Variants in CTNNA2 observed in about 807,000 individuals in gnomAD.
CTNNA2 encodes catenin alpha-2.
In CTNNA2, 42 loss-of-function variants were observed where a neutral mutation model predicts 101.0. The observed-to-expected ratio is 0.42, with a 90% CI of 0.32 to 0.54. CTNNA2 has a LOEUF of 0.54. Among genes scored for constraint, CTNNA2 ranks in the 20% least tolerant of loss-of-function variants. The pLI is 0.14. For missense variants in CTNNA2, 871 were observed against 1,223.1 expected (o/e 0.71, Z 4.29); for synonymous variants, 450 against 456.4 (o/e 0.99, Z 0.18).
rs533161016 is a variant in CTNNA2 at position 79,277,469 on chromosome 2, C to T, written c.-405-35240C>T. Among the ~76,000 whole-genome samples, 21 of 152,164 alleles carry T rather than the reference C, an allele frequency of 1.4e-4. 1 individual carries two copies. Among genetic ancestry groups the T allele is most frequent in the Admixed American group, 9.8e-4 (15 of 15,278 alleles). ...GTCAGGATGCAGCCTGGGGGCAAGA[C>T]AGCAGTCAGCCTGAAGCATCCCAAA... On this transcript the variant is annotated intron_variant, in intron 2 of 21. Coordinates refer to the CTNNA2 transcript ENST00000466387.
intron 7 of CTNNA2, among the ~76,000 whole-genome samples, chr2:80,281,600 CT>C (rs984327708): frequency 4.6e-5 from 7 of 151,804 alleles, no homozygotes; most frequent in African/African-American, 1.2e-4. Flanking sequence ...TTGGTTCTTA[CT>C]TTTTTTTCCC....
At chr2:79,288,053 C>G (rs1032807061) in intron 2 of CTNNA2, among the ~76,000 whole-genome samples, 3 of 152,214 alleles carry the variant, frequency 2.0e-5, no homozygotes, top group Non-Finnish European at 4.4e-5. Context: ...GGAAAGGGAA[C>G]TCCCTGACCC....
intron 17 of CTNNA2, chr2:80,616,397 C>G (rs1196117549): frequency 6.6e-6 from 1 of 151,666 alleles, no homozygotes; most frequent in Non-Finnish European, 1.5e-5. Context: ...TTTTGATCAA[C>G]TTACATGAAA....
chr2:80,252,326 C>T (rs562595451), intron 7 of CTNNA2, among the ~76,000 whole-genome samples: 10 of 152,244 alleles, frequency 6.6e-5, no homozygotes, highest in Admixed American at 3.3e-4. Flanking sequence ...AATACTTACC[C>T]GTTTGGTTAT....
At chr2:79,336,473 T>C (rs1055508435) in intron 3 of CTNNA2, among the ~76,000 whole-genome samples, 10 of 152,226 alleles carry the variant, frequency 6.6e-5, no homozygotes, top group Admixed American at 3.9e-4. Flanking sequence ...CTGGGTTTCC[T>C]GGCTCTTTGC....
At chr2:79,549,384 C>A (rs1452892865) in intron 1 of CTNNA2, among the ~76,000 whole-genome samples, 6 of 152,140 alleles carry the variant, frequency 3.9e-5, no homozygotes, top group Admixed American at 3.3e-4. Flanking sequence ...CTCATCTGGT[C>A]CAATTAACTT....
At chr2:79,788,948 T>G (rs2105240018) in intron 3 of CTNNA2, among the ~76,000 whole-genome samples, 1 of 152,344 alleles carries the variant, frequency 6.6e-6, no homozygotes, top group African/African-American at 2.4e-5. Context: ...TCAAAGAGTT[T>G]AATGTCTAAT....
intron 3 of CTNNA2, among the ~76,000 whole-genome samples, chr2:79,358,742 A>T (rs1196603008): frequency 6.6e-6 from 1 of 152,212 alleles, no homozygotes. Flanking sequence ...TTAACTCTAA[A>T]TATCTTCATT....
chr2:79,290,834 C>G (rs1176033274), intron 2 of CTNNA2, among the ~76,000 whole-genome samples: 1 of 152,212 alleles, frequency 6.6e-6, no homozygotes, highest in Non-Finnish European at 1.5e-5. Context: ...TCCAAATCTT[C>G]TGGTACACCA....
At chr2:79,513,992 G>A (rs1671673013) in intron 1 of CTNNA2, among the ~76,000 whole-genome samples, 1 of 152,084 alleles carries the variant, frequency 6.6e-6, no homozygotes, top group Non-Finnish European at 1.5e-5. Context: ...TTTCCCCTAG[G>A]CCTCTTTGGT....
rs12623958 is a variant in CTNNA2, at chr2:79,241,640, A to G, written c.-406+43564A>G. Among the ~76,000 whole-genome samples, 522 of 152,322 alleles carry G rather than the reference A, an allele frequency of 3.4e-3. 11 individuals are homozygous for G. The East Asian group carries it at 0.062, about 18-fold the overall frequency. On this transcript the variant is annotated intron_variant, in intron 2 of 21. Transcript: ENST00000466387. Reference sequence around the variant, plus strand: ...ATATGGTCCAAGAATTGGAAGTTTTAAGGAAGTAGATTTTAATCAAATATT... The same window carrying G: ...ATATGGTCCAAGAATTGGAAGTTTTGAGGAAGTAGATTTTAATCAAATATT...
chr2:79,534,531 GT>G (rs35927990), intron 1 of CTNNA2, among the ~76,000 whole-genome samples: 17,608 of 151,124 alleles, frequency 0.12, 1,106 homozygotes, highest in African/African-American at 0.15. Flanking sequence ...CTTGTGAACA[GT>G]TTTTTTTTCC....
At chr2:80,063,290 A>G (rs975566898) in intron 7 of CTNNA2, among the ~76,000 whole-genome samples, 10 of 151,962 alleles carry the variant, frequency 6.6e-5, no homozygotes, top group African/African-American at 2.2e-4. Context: ...CACCAGTTCA[A>G]TGTTTTCCAT....
intron 7 of CTNNA2, among the ~76,000 whole-genome samples, chr2:79,935,203 A>G (rs925585824): frequency 1.3e-5 from 2 of 152,174 alleles, no homozygotes; most frequent in Non-Finnish European, 2.9e-5. Context: ...GCTGACAGCC[A>G]TACTAGGGAA....
At chr2:80,525,391 T>C (rs901773209) in intron 9 of CTNNA2, among the ~76,000 whole-genome samples, 1 of 152,048 alleles carries the variant, frequency 6.6e-6, no homozygotes, top group Non-Finnish European at 1.5e-5. Context: ...GATTTCCCCT[T>C]CTGTGTTGGT....
rs1449610136 is a variant in CTNNA2 at position 79,300,952 on chromosome 2, C to T, written c.-405-11757C>T. Among the ~76,000 whole-genome samples the T allele has an allele frequency of 2.0e-5, 3 of 152,166 alleles. No individual in the cohort carries two copies. In the East Asian group the frequency reaches 5.8e-4, roughly 29 times the overall value. Reference sequence around the variant, plus strand: ...GGTTCCTCTCTGTCTCACACTTTGACCTGTGCCAACACCATTTCTTGTGTA... The same window carrying T: ...GGTTCCTCTCTGTCTCACACTTTGATCTGTGCCAACACCATTTCTTGTGTA... On this transcript the variant is annotated intron_variant, in intron 2 of 21. Transcript: ENST00000466387.
chr2:80,566,284 T>G (rs866556584), intron 12 of CTNNA2, among the ~76,000 whole-genome samples: 10 of 152,304 alleles, frequency 6.6e-5, no homozygotes, highest in South Asian at 4.1e-4. Context: ...ATTTCAGAAG[T>G]GGCATCCCAT....
intron 7 of CTNNA2, among the ~76,000 whole-genome samples, chr2:80,365,837 C>T (rs1468649734): frequency 6.6e-6 from 1 of 152,158 alleles, no homozygotes; most frequent in African/African-American, 2.4e-5. Context: ...TTTCCCCCTA[C>T]AGTAGCATTG....
chr2:80,524,586 G>A (rs1689861995), intron 9 of CTNNA2, among the ~76,000 whole-genome samples: 1 of 152,058 alleles, frequency 6.6e-6, no homozygotes, highest in Admixed American at 6.6e-5. Context: ...TGAACTACTT[G>A]CCAATCTCCA....
Sources: allele counts gnomAD v4.1 joint callset (sites outside exome capture counted in the v4.1 genomes callset), GRCh38; gene constraint gnomAD v4.1.1; transcripts MANE v1.5; gene names NCBI Gene and HGNC (gene_info 2026-07-23, HGNC 2026-07-21).